The following PRELID2 variants were observed in gnomAD, a reference collection of about 807,000 sequenced individuals.
The protein encoded by PRELID2 is PRELI domain containing 2.
Under a neutral mutation model 28.4 loss-of-function variants are expected in PRELID2, and 25 were observed. That is an observed-to-expected ratio of 0.88 (90% CI 0.64 to 1.23). The LOEUF is 1.23. PRELID2 is among the 50% of genes most tolerant of loss of function. PRELID2 has a pLI of 0.00. For synonymous variants in PRELID2, 76 were observed against 71.6 expected (o/e 1.06, Z -0.31); for missense variants, 201 against 214.4 (o/e 0.94, Z 0.39).
the PRELID2 span, among the ~76,000 whole-genome samples, chr5:145,368,193 C>G: frequency 1.3e-5 from 2 of 152,022 alleles, no homozygotes; most frequent in African/African-American, 4.8e-5. Flanking sequence ...TTTTCAACAA[C>G]TAGTTCAATG....
the PRELID2 span, chr5:145,429,912 C>G: frequency 6.6e-6 from 1 of 152,348 alleles, no homozygotes; most frequent in Admixed American, 6.5e-5. Flanking sequence ...GACAGCCAGC[C>G]AACCTCCAGA....
the PRELID2 span, among the ~76,000 whole-genome samples, chr5:145,314,887 T>C: frequency 6.6e-6 from 1 of 151,934 alleles, no homozygotes; most frequent in South Asian, 2.1e-4. Flanking sequence ...TCTTTTATCA[T>C]CTCTCACCTT....
chr5:145,679,934 T>C (rs1754900512), intron 1 of PRELID2, among the ~76,000 whole-genome samples: 1 of 151,386 alleles, frequency 6.6e-6, no homozygotes, highest in Non-Finnish European at 1.5e-5. Context: ...TATAAATATG[T>C]ATAAAATAGA....
chr5:145,409,573 T>C, the PRELID2 span, among the ~76,000 whole-genome samples: 1 of 152,048 alleles, frequency 6.6e-6, no homozygotes, highest in Non-Finnish European at 1.5e-5. Flanking sequence ...ATAGTAGCTA[T>C]TCTTATATCA....
chr5:145,390,573 G>A, the PRELID2 span, among the ~76,000 whole-genome samples: 2 of 152,078 alleles, frequency 1.3e-5, no homozygotes, highest in Non-Finnish European at 2.9e-5. Flanking sequence ...CCACAGGTGG[G>A]GATTATTGGA....
the PRELID2 span, among the ~76,000 whole-genome samples, chr5:145,428,877 G>T: frequency 1.3e-5 from 2 of 152,184 alleles, no homozygotes; most frequent in Non-Finnish European, 2.9e-5. Context: ...GAAGCCCCCA[G>T]GCAGGTGCAT....
At chr5:145,385,830 G>A in the PRELID2 span, among the ~76,000 whole-genome samples, 2 of 152,122 alleles carry the variant, frequency 1.3e-5, no homozygotes, top group East Asian at 3.9e-4. Flanking sequence ...TCTTCATAAA[G>A]CCTTTCCAGT....
intron 1 of PRELID2, among the ~76,000 whole-genome samples, chr5:145,709,634 T>G (rs1179183872): frequency 6.6e-6 from 1 of 151,224 alleles, no homozygotes; most frequent in East Asian, 1.9e-4. Flanking sequence ...GGCTAGACCA[T>G]TTTTCAATTT....
At chr5:145,326,343 T>C in the PRELID2 span, among the ~76,000 whole-genome samples, 25 of 152,082 alleles carry the variant, frequency 1.6e-4, no homozygotes, top group African/African-American at 6.0e-4. Context: ...CCCAAATTGA[T>C]CAACGTGATT....
intron 5 of PRELID2, 182 bp downstream of exon 5, chr5:145,796,260 C>T (rs1349561154): frequency 2.4e-6 from 1 of 415,474 alleles, no homozygotes; most frequent in Non-Finnish European, 4.3e-6. Flanking sequence ...ATAAATGCCA[C>T]TTTAGTTTTA....
the PRELID2 span, among the ~76,000 whole-genome samples, chr5:145,337,706 T>C: frequency 2.0e-5 from 1 of 49,976 alleles, no homozygotes; most frequent in Non-Finnish European, 3.6e-5. Flanking sequence ...TATATATATA[T>C]ATATATATAT....
chr5:145,482,384 C>T (rs1447827419), intron 1 of PRELID2, among the ~76,000 whole-genome samples: 1 of 152,170 alleles, frequency 6.6e-6, no homozygotes, highest in East Asian at 1.9e-4. Flanking sequence ...CATTTGAATC[C>T]TGGCTCCATA....
chr5:145,406,207 T>C, the PRELID2 span, among the ~76,000 whole-genome samples: 4 of 152,264 alleles, frequency 2.6e-5, no homozygotes, highest in African/African-American at 9.6e-5. Flanking sequence ...CTATATCAAT[T>C]GGCATCATAT....
intron 1 of PRELID2, among the ~76,000 whole-genome samples, chr5:145,673,114 C>T (rs1754743308): frequency 6.6e-6 from 1 of 152,108 alleles, no homozygotes; most frequent in Admixed American, 6.6e-5. Context: ...GTCAGAGATT[C>T]TGAAGTCCAC....
chr5:145,579,431 A>G (rs959825391), intron 1 of PRELID2, among the ~76,000 whole-genome samples: 7 of 152,080 alleles, frequency 4.6e-5, no homozygotes, highest in Admixed American at 2.0e-4. Flanking sequence ...CATCAGTTTT[A>G]TTGCCCTTGG....
chr5:145,728,465 A>T, intron 1 of PRELID2: 1 of 624,372 alleles, frequency 1.6e-6, no homozygotes, highest in Middle Eastern at 2.8e-4. Flanking sequence ...ACCAGATTGA[A>T]GGGAACAGGA....
chr5:145,391,476 C>T, the PRELID2 span, among the ~76,000 whole-genome samples: 1 of 152,208 alleles, frequency 6.6e-6, no homozygotes, highest in Non-Finnish European at 1.5e-5. Flanking sequence ...CATCCCAAGG[C>T]TGCATAGAGC....
chr5:145,401,566 A>G, the PRELID2 span, among the ~76,000 whole-genome samples: 285 of 152,256 alleles, frequency 1.9e-3, 5 homozygotes, highest in East Asian at 0.042. Flanking sequence ...TTCCGCTAGC[A>G]GCCACCATCC....
chr5:145,395,992 C>A, the PRELID2 span, among the ~76,000 whole-genome samples: 2 of 152,154 alleles, frequency 1.3e-5, no homozygotes, highest in African/African-American at 4.8e-5. Context: ...TCTTCACTTG[C>A]CTGAATTGTT....
Sources: gnomAD v4.1 joint callset for allele counts (sites outside exome capture counted in the v4.1 genomes callset) on GRCh38, gnomAD v4.1.1 for gene constraint, MANE v1.5 for transcripts, NCBI Gene and HGNC (gene_info 2026-07-23, HGNC 2026-07-21) for gene names.